The following DNAH9 variants were observed in gnomAD, a reference collection of about 807,000 sequenced individuals.
DNAH9 encodes dynein axonemal heavy chain 9.
DNAH9 carries 345 observed loss-of-function variants against 471.6 expected under a neutral mutation model. That is an observed-to-expected ratio of 0.73 (90% CI 0.67 to 0.80). The LOEUF (loss-of-function observed/expected upper bound fraction) is 0.80, where lower values mean the gene tolerates loss of function less well. DNAH9 is among the 30% of genes least tolerant of loss of function. The probability of loss-of-function intolerance (pLI) is 0.00; values close to 1 mark genes in which losing one functional copy is unlikely to be tolerated. For synonymous variants in DNAH9, 2,093 were observed against 2,123.6 expected (o/e 0.99, Z 0.40); for missense variants, 5,407 against 5,609.2 (o/e 0.96, Z 1.15).
intron 48 of DNAH9, among the ~76,000 whole-genome samples, chr17:11,828,995 G>T (rs1464097906): frequency 6.6e-6 from 1 of 152,182 alleles, no homozygotes. Context: ...ATGAAGGGTG[G>T]AGAGGCAAAT....
At chr17:11,953,011 G>C (rs1190230451) in intron 67 of DNAH9, among the ~76,000 whole-genome samples, 1 of 152,166 alleles carries the variant, frequency 6.6e-6, no homozygotes, top group African/African-American at 2.4e-5. Flanking sequence ...GGGAAAGTGG[G>C]AGAGAGACTG....
Position 11,942,396 on chromosome 17 carries a change from A to T in DNAH9, c.12754A>T (p.Ile4252Phe). ...CAAAGTGGAGGAGCGCACCCCTTAC[A>T]TTGTAGTTGCCTTCCAGGAGTGTGG... ...MAKVEERTPYIVVAFQECGRM... is the reference protein window; with the variant it reads ...MAKVEERTPYFVVAFQECGRM... The change falls in exon 67 of 69, where the codon ATT (isoleucine) becomes TTT (phenylalanine). Residue 4252 changes from isoleucine (I) to phenylalanine (F), a missense_variant. Transcript: ENST00000262442. The T allele has an allele frequency of 6.2e-7, 1 of 1,614,194 alleles. No individual in the cohort carries two copies. The highest frequency in any genetic ancestry group is 2.2e-5 in the East Asian group (1 of 44,882).
chr17:11,751,770 AAAG>A (rs1967159566), intron 32 of DNAH9, among the ~76,000 whole-genome samples: 1 of 152,004 alleles, frequency 6.6e-6, no homozygotes, highest in Non-Finnish European at 1.5e-5. Context: ...AAATTGGAGG[AAAG>A]AAAAAAAAAT....
At chr17:11,826,518 T>C (rs1970501030) in intron 48 of DNAH9, among the ~76,000 whole-genome samples, 1 of 135,622 alleles carries the variant, frequency 7.4e-6, no homozygotes. Flanking sequence ...TGGAGTGCAG[T>C]GGCGCGATCT....
chr17:11,919,980 C>T (rs1248580741), intron 61 of DNAH9, among the ~76,000 whole-genome samples: 3 of 151,688 alleles, frequency 2.0e-5, no homozygotes, highest in Non-Finnish European at 4.4e-5. Flanking sequence ...ATGGGAGAGC[C>T]CTGGGTGTGG....
intron 50 of DNAH9, among the ~76,000 whole-genome samples, chr17:11,859,434 G>T (rs1971757672): frequency 7.1e-6 from 1 of 141,450 alleles, no homozygotes; most frequent in Admixed American, 7.1e-5. Context: ...AAAAAAAAAT[G>T]CAGTTACTTT....
rs150253263 is a variant in DNAH9 at position 11,669,910 on chromosome 17, C to T, written c.3353+116C>T. The T allele has an allele frequency of 7.5e-4, 684 of 914,342 alleles. 8 individuals carry two copies. The East Asian group carries it at 0.012, about 16-fold the overall frequency. The allele number at this position is 914,342 out of a possible 1,614,324, so 56.6% of individuals were successfully genotyped here. ...ATGTTGGTTAAATTAAAGATTAAGACAGCTGGTTAGAGGTTCTAGGCTTTT... is the reference window on the plus strand; with the variant it reads ...ATGTTGGTTAAATTAAAGATTAAGATAGCTGGTTAGAGGTTCTAGGCTTTT... On this transcript the variant is annotated intron_variant, in intron 17 of 68. Coordinates refer to ENST00000262442, the MANE Select transcript of DNAH9 (RefSeq NM_001372.4).
rs186251291 is a variant in DNAH9 at position 11,647,712 on chromosome 17, G to A, written c.2097+514G>A. 2.0e-4 allele frequency among the ~76,000 whole-genome samples: 31 copies of A among 152,208 alleles called. No individual in the cohort carries two copies. The South Asian group carries it at 2.3e-3, about 11-fold the overall frequency. ...TGGCTCCTGCCCTCAAGGAACCCAC[G>A]GTCTAGTTGGGGGTCACAACCTTAA... On this transcript the variant is annotated intron_variant, in intron 12 of 68. Transcript: ENST00000262442.
At chr17:11,697,516 T>C (rs1266335720) in intron 22 of DNAH9, among the ~76,000 whole-genome samples, 1 of 152,218 alleles carries the variant, frequency 6.6e-6, no homozygotes, top group Non-Finnish European at 1.5e-5. Context: ...TTTTGTTAAT[T>C]TATCCCTAAA....
intron 31 of DNAH9, among the ~76,000 whole-genome samples, 157 bp from the exon 32 acceptor site, chr17:11,747,399 C>T (rs931640619): frequency 1.3e-5 from 2 of 152,168 alleles, no homozygotes; most frequent in Admixed American, 6.5e-5. Context: ...AATCATGTTG[C>T]CCCTATATTT....
intron 26 of DNAH9, among the ~76,000 whole-genome samples, chr17:11,712,278 TTTC>T (rs2074881296): frequency 6.7e-6 from 1 of 150,304 alleles, no homozygotes; most frequent in African/African-American, 2.4e-5. Context: ...TATTTTTTAA[TTTC>T]TGAATAATAT....
intron 38 of DNAH9, among the ~76,000 whole-genome samples, chr17:11,779,510 C>T (rs1036552476): frequency 3.9e-5 from 6 of 152,114 alleles, no homozygotes; most frequent in Non-Finnish European, 7.4e-5. Flanking sequence ...CCCGTGCGCT[C>T]CATGGCCACT....
At position 11,757,624 on chromosome 17, in the gene DNAH9, A is replaced by G. The variant is rs753523870; in HGVS notation, c.6927A>G (p.Thr2309=). 32 of 1,614,054 alleles carry G rather than the reference A, an allele frequency of 2.0e-5. No individual in the cohort carries two copies. Among genetic ancestry groups the G allele is most frequent in the Non-Finnish European group, 2.5e-5 (30 of 1,179,984 alleles). Residue 2309 remains threonine (T), a synonymous_variant, in exon 35 of 69, where the codon ACA becomes ACG. Coordinates refer to ENST00000262442, the MANE Select transcript of DNAH9 (RefSeq NM_001372.4). ...SSWIEKREIQ[T]ERANLTILFD... Reference sequence around the variant, plus strand: ...GGATTGAGAAGAGGGAAATCCAGACAGAGAGAGCCAACTTAACCATTTTGT... The same window carrying G: ...GGATTGAGAAGAGGGAAATCCAGACGGAGAGAGCCAACTTAACCATTTTGT...
chr17:11,815,283 T>A lies in DNAH9; in HGVS notation c.8707+4914T>A, dbSNP rs181540340. Among the ~76,000 whole-genome samples the A allele has an allele frequency of 2.8e-4, 43 of 151,848 alleles. No homozygotes were observed. In the East Asian group the frequency reaches 8.1e-3, roughly 29 times the overall value. ...CTGTGGATTCCCTATATTGCTAACC[T>A]CTCCCTTACCACCTATGTCCAAGAG... On this transcript the variant is annotated intron_variant, in intron 45 of 68. Transcript: ENST00000262442.
chr17:11,731,041 GTGATGATGGTGATGGTGA>G (rs1177984601), intron 28 of DNAH9, among the ~76,000 whole-genome samples: 1 of 149,394 alleles, frequency 6.7e-6, no homozygotes, highest in Admixed American at 6.6e-5. Flanking sequence ...GGTGGTGTCA[GTGATGATGGTGATGGTGA>G]TGATGATGGT....
At chr17:11,732,948 A>C (rs147458777) in intron 28 of DNAH9, among the ~76,000 whole-genome samples, 72 of 152,352 alleles carry the variant, frequency 4.7e-4, no homozygotes, top group Non-Finnish European at 9.0e-4. Flanking sequence ...CAGGGCTCCA[A>C]GTACTCCAGG....
intron 39 of DNAH9, among the ~76,000 whole-genome samples, chr17:11,781,950 C>G (rs150664249): frequency 6.7e-6 from 1 of 150,298 alleles, no homozygotes; most frequent in African/African-American, 2.5e-5. Flanking sequence ...GTATCTCTTG[C>G]GACAGCATAA....
At chr17:11,682,565 G>A (rs1209894477) in intron 19 of DNAH9, among the ~76,000 whole-genome samples, 5 of 151,826 alleles carry the variant, frequency 3.3e-5, no homozygotes, top group Non-Finnish European at 5.9e-5. Context: ...GTTAAGAGGC[G>A]GGGAAGGACA....
At chr17:11,763,935 G>C (rs1020458601) in intron 36 of DNAH9, among the ~76,000 whole-genome samples, 2 of 152,208 alleles carry the variant, frequency 1.3e-5, no homozygotes, top group Non-Finnish European at 2.9e-5. Flanking sequence ...GCCAGGTGGT[G>C]TGTTTGTGGA....
Sources: allele counts gnomAD v4.1 joint callset (sites outside exome capture counted in the v4.1 genomes callset), GRCh38; gene constraint gnomAD v4.1.1; transcripts MANE v1.5; gene names NCBI Gene and HGNC (gene_info 2026-07-23, HGNC 2026-07-21).